SLC24A3: variants seen among roughly 807,000 people sequenced by gnomAD.
The protein encoded by SLC24A3 is solute carrier family 24 member 3.
Under a neutral mutation model 75.8 loss-of-function variants are expected in SLC24A3, and 28 were observed. The ratio of observed to expected loss-of-function variants is 0.37; its 90% CI spans 0.27 to 0.51. SLC24A3 has a LOEUF of 0.51. Ranked by LOEUF, SLC24A3 falls within the 20% of genes least tolerant of loss-of-function variation. The probability of loss-of-function intolerance (pLI) is 0.94; values close to 1 mark genes in which losing one functional copy is unlikely to be tolerated. For synonymous variants in SLC24A3, 372 were observed against 334.1 expected, an observed-to-expected ratio of 1.11 and a Z score of -1.24; for missense variants, 663 against 847.8, an observed-to-expected ratio of 0.78 and a Z score of 2.71.
At chr20:19,222,089 CTT>C (rs1981730743) in intron 1 of SLC24A3, among the ~76,000 whole-genome samples, 1 of 152,120 alleles carries the variant, frequency 6.6e-6, no homozygotes, top group Admixed American at 6.5e-5. Flanking sequence ...TCTTCCAACT[CTT>C]ATACTGAGTG....
At chr20:19,650,370 C>T (rs1381300044) in intron 6 of SLC24A3, among the ~76,000 whole-genome samples, 3 of 152,148 alleles carry the variant, frequency 2.0e-5, no homozygotes, top group African/African-American at 2.4e-5. Flanking sequence ...GATATATTTT[C>T]CTATTTTTAT....
At chr20:19,276,451 A>C (rs1199933584) in intron 1 of SLC24A3, among the ~76,000 whole-genome samples, 1 of 152,244 alleles carries the variant, frequency 6.6e-6, no homozygotes, top group Non-Finnish European at 1.5e-5. Flanking sequence ...GAATGTATTT[A>C]CATAAATCTG....
At chr20:19,450,608 T>G (rs527644614) in intron 2 of SLC24A3, among the ~76,000 whole-genome samples, 1 of 152,330 alleles carries the variant, frequency 6.6e-6, no homozygotes, top group South Asian at 2.1e-4. Context: ...CACCAGCTCA[T>G]AGAGTGTTTT....
intron 3 of SLC24A3, among the ~76,000 whole-genome samples, chr20:19,577,566 C>T (rs1379514440): frequency 6.6e-6 from 1 of 152,034 alleles, no homozygotes; most frequent in Non-Finnish European, 1.5e-5. Flanking sequence ...GAAAATATTA[C>T]AAAATATAGT....
At chr20:19,255,969 C>A (rs751133694) in intron 1 of SLC24A3, among the ~76,000 whole-genome samples, 2 of 151,948 alleles carry the variant, frequency 1.3e-5, no homozygotes, top group Non-Finnish European at 2.9e-5. Flanking sequence ...TATGGTGGCA[C>A]GTGCCTGTAG....
intron 2 of SLC24A3, among the ~76,000 whole-genome samples, chr20:19,356,606 G>A (rs1985688247): frequency 6.6e-6 from 1 of 152,140 alleles, no homozygotes; most frequent in Non-Finnish European, 1.5e-5. Context: ...TTGACATTTG[G>A]ATTGTTTCCA....
Position 19,561,045 on chromosome 20 carries a change from T to C in SLC24A3, c.349-18955T>C, listed in dbSNP as rs147141420. ...ATCTCACTGTGGTAGCATCTTGAGC[T>C]CCTGTAAGCCGTCTACATTCCGGGA... On this transcript the variant is annotated intron_variant, in intron 3 of 16. Transcript: ENST00000328041. Among the ~76,000 whole-genome samples, 16 of 152,330 alleles carry C rather than the reference T, an allele frequency of 1.1e-4. 1 individual carries two copies. In the East Asian group the frequency reaches 3.1e-3, roughly 29 times the overall value.
chr20:19,505,144 G>A (rs897612713), intron 2 of SLC24A3, among the ~76,000 whole-genome samples: 2 of 152,162 alleles, frequency 1.3e-5, no homozygotes, highest in African/African-American at 2.4e-5. Context: ...AAAAGTTTGT[G>A]GGCTGATTGT....
At chr20:19,242,816 C>G (rs1376336880) in intron 1 of SLC24A3, among the ~76,000 whole-genome samples, 2 of 152,122 alleles carry the variant, frequency 1.3e-5, no homozygotes, top group African/African-American at 4.8e-5. Context: ...ATTGAACCTA[C>G]TAGACAAAAT....
intron 12 of SLC24A3, among the ~76,000 whole-genome samples, 194 bp downstream of exon 12, chr20:19,685,555 T>C (rs2032666774): frequency 6.6e-6 from 1 of 152,202 alleles, no homozygotes. Flanking sequence ...GGGTCCATGA[T>C]CATTGCTTGA....
intron 2 of SLC24A3, among the ~76,000 whole-genome samples, chr20:19,496,233 C>G (rs915383903): frequency 2.0e-5 from 3 of 152,188 alleles, no homozygotes; most frequent in African/African-American, 2.4e-5. Flanking sequence ...ATCAGTCCAT[C>G]CTCAACACCA....
chr20:19,586,913 G>A (rs2031305211), intron 6 of SLC24A3, among the ~76,000 whole-genome samples: 2 of 152,128 alleles, frequency 1.3e-5, no homozygotes, highest in Non-Finnish European at 2.9e-5. Context: ...TAGATTTTGT[G>A]TACCCACAAT....
chr20:19,554,703 C>A (rs956650417), intron 3 of SLC24A3, among the ~76,000 whole-genome samples: 1 of 152,214 alleles, frequency 6.6e-6, no homozygotes, highest in Admixed American at 6.5e-5. Context: ...TTTCCCCCAC[C>A]CAGAGTAATA....
intron 1 of SLC24A3, among the ~76,000 whole-genome samples, chr20:19,257,465 G>A (rs1010695385): frequency 6.6e-6 from 1 of 152,222 alleles, no homozygotes; most frequent in African/African-American, 2.4e-5. Context: ...GGTCTGGGGG[G>A]AGACCAGGGA....
chr20:19,213,503 A>T (rs925320473), intron 1 of SLC24A3: 26 of 152,502 alleles, frequency 1.7e-4, no homozygotes, highest in African/African-American at 6.3e-4. Flanking sequence ...AGGTGCCGGG[A>T]ACTTCAGGGA....
intron 6 of SLC24A3, among the ~76,000 whole-genome samples, chr20:19,614,656 A>G (rs1223004069): frequency 6.6e-6 from 1 of 152,238 alleles, no homozygotes; most frequent in African/African-American, 2.4e-5. Flanking sequence ...CCAAAGACGC[A>G]GCCCAAATTG....
At chr20:19,385,364 A>G (rs1986254725) in intron 2 of SLC24A3, among the ~76,000 whole-genome samples, 1 of 152,206 alleles carries the variant, frequency 6.6e-6, no homozygotes, top group African/African-American at 2.4e-5. Context: ...ATTATTAAGC[A>G]TGTTTCCCTA....
rs541434371 is a variant in SLC24A3 at position 19,543,796 on chromosome 20, G to C, written c.348+28232G>C. On this transcript the variant is annotated intron_variant, in intron 3 of 16. Transcript: ENST00000328041. ...TGGTGGTACCCTTATTTGCAAAAAG[G>C]ATAGCAAAACTCTGAACACAAGAAT... Among the ~76,000 whole-genome samples, 53 of 152,302 alleles carry C rather than the reference G, an allele frequency of 3.5e-4. No homozygotes were observed. In the South Asian group the frequency reaches 0.011, roughly 32 times the overall value.
intron 7 of SLC24A3, among the ~76,000 whole-genome samples, chr20:19,662,481 G>A (rs1392292458): frequency 2.0e-5 from 3 of 152,256 alleles, no homozygotes; most frequent in Non-Finnish European, 4.4e-5. Flanking sequence ...TTCCTTCCAG[G>A]AGATTTAATA....
Sources: gnomAD v4.1 joint callset for allele counts (sites outside exome capture counted in the v4.1 genomes callset) on GRCh38, gnomAD v4.1.1 for gene constraint, MANE v1.5 for transcripts, NCBI Gene and HGNC (gene_info 2026-07-23, HGNC 2026-07-21) for gene names.